MIER2: variants seen among roughly 807,000 people sequenced by gnomAD.
The protein encoded by MIER2 is mesoderm induction early response protein 2.
A neutral mutation model predicts 67.6 loss-of-function variants in MIER2; 30 were observed. The ratio of observed to expected loss-of-function variants is 0.44; its 90% CI spans 0.33 to 0.60. The LOEUF is 0.60. Among genes scored for constraint, MIER2 ranks in the 20% least tolerant of loss-of-function variants. The pLI is 0.02. For missense variants in MIER2, 702 were observed against 745.1 expected (o/e 0.94, Z 0.67); for synonymous variants, 372 against 312.6 (o/e 1.19, Z -2.00).
Position 312,216 on chromosome 19 carries a change from C to T in MIER2, c.864G>A (p.Leu288=). ...CTCGGATCACCTTCACGTTGAACCG[C>T]AGCCTTCGCAGGGCCTCCTCCACAT... The part of the protein sequence containing the change: ...NFNVEEALRR[L]RFNVKVIRDG... The change falls in exon 9 of 14, where the codon CTG becomes CTA. Residue 288 remains leucine (L), a synonymous_variant. Coordinates refer to ENST00000264819, the MANE Select transcript of MIER2 (RefSeq NM_017550.3). The T allele has an allele frequency of 6.2e-7, 1 of 1,613,970 alleles. No homozygotes were observed. Among genetic ancestry groups the T allele is most frequent in the Non-Finnish European group, 8.5e-7 (1 of 1,179,902 alleles).
intron 3 of MIER2, among the ~76,000 whole-genome samples, chr19:328,276 A>G (rs895378699): frequency 1.3e-5 from 2 of 152,182 alleles, no homozygotes; most frequent in African/African-American, 4.8e-5. Flanking sequence ...CAGGAATACA[A>G]GGATGGTGTG....
Position 308,989 on chromosome 19 carries a change from A to G in MIER2, c.985-64T>C, listed in dbSNP as rs1168248437. 1 of 1,560,808 alleles carries G rather than the reference A, an allele frequency of 6.4e-7. No homozygotes were observed. The highest frequency in any genetic ancestry group is 8.7e-7 in the Non-Finnish European group (1 of 1,148,660). The stretch of plus-strand genomic sequence containing the variant: ...GCCCAGCCCCAGCACCTGCACCACG[A>G]TCCCAGGACGTCCTGGGACCCCGGG... On this transcript the variant is annotated intron_variant, in intron 10 of 13. Coordinates refer to ENST00000264819, the MANE Select transcript of MIER2 (RefSeq NM_017550.3). This position sits in a 1 kb window ranked among gnomAD's most constrained non-coding sequence, Gnocchi z 9.1.
Position 313,558 on chromosome 19 carries a change from C to A in MIER2, c.741G>T (p.Lys247Asn), listed in dbSNP as rs1568219404. The change falls in exon 8 of 14, where the codon AAG becomes AAT. Residue 247 changes from lysine to asparagine, a missense_variant. Coordinates refer to ENST00000264819, the MANE Select transcript of MIER2 (RefSeq NM_017550.3). ...EVEEFLYRAV[K>N]RRWHEMAGPQ... ...GCCCGGCCATCTCGTGCCAACGCCG[C>A]TTCACCGCCCTGTACAGGAACTCCT... 6.2e-7 allele frequency: 1 copy of A among 1,613,394 alleles called. No individual in the cohort carries two copies. Among genetic ancestry groups the A allele is most frequent in the South Asian group, 1.1e-5 (1 of 91,088 alleles).
chr19:310,692 T>C (rs1042196198), intron 10 of MIER2, among the ~76,000 whole-genome samples: 1,125 of 82,424 alleles, frequency 0.014, no homozygotes, highest in East Asian at 0.031. Flanking sequence ...CCCAGAGCTA[T>C]AGAAACACGG....
Position 327,259 on chromosome 19 carries a change from TTA to T in MIER2, c.370-5_370-4del, listed in dbSNP as rs1568231171. On this transcript the variant is annotated splice_region_variant and splice_polypyrimidine_tract_variant and intron_variant, in intron 4 of 13. Coordinates refer to ENST00000264819, the MANE Select transcript of MIER2 (RefSeq NM_017550.3). ...AGCAAATCCTTCGCTATTTGTTCCTTTAAAAAAAAAAAAAAAAGTAAAGAACA... is the reference window on the plus strand; with the variant it reads ...AGCAAATCCTTCGCTATTTGTTCCTTAAAAAAAAAAAAAAAGTAAAGAACA... 2.6e-6 allele frequency: 4 copies of T among 1,561,100 alleles called. No homozygotes were observed. Among genetic ancestry groups the T allele is most frequent in the Admixed American group, 4.3e-5 (2 of 46,268 alleles).
At position 336,133 on chromosome 19, in the gene MIER2, C is replaced by A. The variant is rs140634056; in HGVS notation, c.50G>T (p.Cys17Phe). ...LGRQSPRVVS[C>F]LEHSLCPGEP... is the part of the protein sequence containing the mutation. The stretch of plus-strand genomic sequence containing the variant: ...CCCTGGGCACAGGCTGTGCTCGAGG[C>A]AGGAGACCACGCGAGGACTCTGCCT... The change falls in exon 2 of 14, where the codon TGC becomes TTC. Residue 17 changes from cysteine to phenylalanine, a missense_variant. This residue lies in a region of MIER2 where 320 missense variants were observed against 292.6 expected (regional missense o/e 1.09). Coordinates refer to ENST00000264819, the MANE Select transcript of MIER2 (RefSeq NM_017550.3). The A allele has an allele frequency of 6.2e-7, 1 of 1,613,746 alleles. No individual in the cohort carries two copies. The highest frequency in any genetic ancestry group is 1.3e-5 in the African/African-American group (1 of 74,936).
rs202200513 is a variant in MIER2 at position 313,445 on chromosome 19, G to A, written c.807+47C>T. On this transcript the variant is annotated intron_variant, in intron 8 of 13. Coordinates refer to ENST00000264819, the MANE Select transcript of MIER2 (RefSeq NM_017550.3). Reference sequence around the variant, plus strand: ...CACTGGGGTGTGAGCTCTGGCCCACGCCACGGCAGCCCTCAGCCCCTCTGT... The same window carrying A: ...CACTGGGGTGTGAGCTCTGGCCCACACCACGGCAGCCCTCAGCCCCTCTGT... 57 of 1,589,938 alleles carry A rather than the reference G, an allele frequency of 3.6e-5. No individual in the cohort carries two copies. In the Middle Eastern group the frequency reaches 5.4e-4, roughly 15 times the overall value.
chr19:336,798 A>G (rs1156241647), intron 1 of MIER2, among the ~76,000 whole-genome samples: 1 of 152,158 alleles, frequency 6.6e-6, no homozygotes, highest in Non-Finnish European at 1.5e-5. Context: ...TTTTTTATAA[A>G]AAGGCAAACA....
At chr19:319,097 C>T (rs1043876887) in intron 7 of MIER2, among the ~76,000 whole-genome samples, 2 of 150,106 alleles carry the variant, frequency 1.3e-5, no homozygotes, top group Non-Finnish European at 2.9e-5. Context: ...GGTGCTGGTT[C>T]ATGCCTGTAA....
chr19:336,161 C>CCAG lies in MIER2; in HGVS notation c.19_21dup (p.Leu7dup). ...GAGACCACGCGAGGACTCTGCCTCC[C>CCAG]CAGCGAGGAGGCCTGCGAAGGAAGA... is the stretch of plus-strand genomic sequence containing the variant. On this transcript the variant is annotated inframe_insertion, in exon 2 of 14. Coordinates refer to ENST00000264819, the MANE Select transcript of MIER2 (RefSeq NM_017550.3). 3 of 1,613,056 alleles carry CCAG rather than the reference C, an allele frequency of 1.9e-6. No homozygotes were observed. The highest frequency in any genetic ancestry group is 2.5e-6 in the Non-Finnish European group (3 of 1,179,396).
chr19:344,302 G>A (rs1972639106), intron 1 of MIER2: 1 of 984,932 alleles, frequency 1.0e-6, no homozygotes, highest in Middle Eastern at 5.2e-4. Context: ...AGGCGCGGTG[G>A]GTCCACCGGG....
At chr19:316,051 T>C (rs1214988260) in intron 7 of MIER2, among the ~76,000 whole-genome samples, 7 of 152,128 alleles carry the variant, frequency 4.6e-5, no homozygotes, top group African/African-American at 2.4e-5. Flanking sequence ...TTTTCAAGTG[T>C]TGAAAGAAAA....
At chr19:344,330 G>A (rs1972641157) in intron 1 of MIER2, 5 of 984,726 alleles carry the variant, frequency 5.1e-6, no homozygotes, top group Non-Finnish European at 6.0e-6. Flanking sequence ...TGGGGAGCGC[G>A]GGGCGCCTGG....
rs780091746 is a variant in MIER2, at chr19:308,624, G to A, written c.1151C>T (p.Pro384Leu). Residue 384 changes from proline (P) to leucine (L), a missense_variant, in exon 12 of 14, where the codon CCC becomes CTC. By Grantham distance (98) the Pro-to-Leu change is moderately conservative (BLOSUM62 -3). Transcript: ENST00000264819. This position sits in a 1 kb window ranked among gnomAD's most constrained non-coding sequence, Gnocchi z 9.1. ...GTCTTGCTCCGGGCGCGGACGGCCGGGGCCATCGGGGTCGCTGCCATCCAG... is the reference window on the plus strand; with the variant it reads ...GTCTTGCTCCGGGCGCGGACGGCCGAGGCCATCGGGGTCGCTGCCATCCAG... ...QDLDGSDPDG[P>L]GRPRPEQDTL... The A allele has an allele frequency of 2.5e-6, 4 of 1,606,986 alleles. No homozygotes were observed. The highest frequency in any genetic ancestry group is 1.7e-5 in the Admixed American group (1 of 59,166).
chr19:332,132 T>A (rs1212048170), intron 3 of MIER2, among the ~76,000 whole-genome samples: 3 of 152,178 alleles, frequency 2.0e-5, no homozygotes, highest in Non-Finnish European at 4.4e-5. Flanking sequence ...GTCACTGATT[T>A]ATTCAGCCTC....
chr19:337,772 G>A (rs970624270), intron 1 of MIER2, among the ~76,000 whole-genome samples: 5 of 151,318 alleles, frequency 3.3e-5, no homozygotes, highest in Non-Finnish European at 7.4e-5. Context: ...AGGAGGCTGA[G>A]GCAGGAGAAT....
chr19:319,385 C>T (rs958607112), intron 7 of MIER2, among the ~76,000 whole-genome samples: 3 of 152,176 alleles, frequency 2.0e-5, no homozygotes, highest in African/African-American at 7.2e-5. Context: ...AAGTAAAAAA[C>T]AGAAATCCAG....
chr19:316,884 G>A (rs912526194), intron 7 of MIER2, among the ~76,000 whole-genome samples: 20 of 151,926 alleles, frequency 1.3e-4, no homozygotes, highest in South Asian at 2.1e-4. Flanking sequence ...CAGGAGAATC[G>A]CTTGAGCCCA....
At position 308,710 on chromosome 19, in the gene MIER2, C is replaced by A. The variant is rs1262329983; in HGVS notation, c.1110-45G>T. ...TGAGGGGCGGCAGACAGGACAGACG[C>A]CCCCACCCAAGAGGTGCCGCCCAGG... On this transcript the variant is annotated intron_variant, in intron 11 of 13. Coordinates refer to ENST00000264819, the MANE Select transcript of MIER2 (RefSeq NM_017550.3). This position sits in a 1 kb window ranked among gnomAD's most constrained non-coding sequence, Gnocchi z 9.1. 1.3e-6 allele frequency: 2 copies of A among 1,595,394 alleles called. No homozygotes were observed. Among genetic ancestry groups the A allele is most frequent in the Non-Finnish European group, 1.7e-6 (2 of 1,170,610 alleles).
Sources: allele counts gnomAD v4.1 joint callset (sites outside exome capture counted in the v4.1 genomes callset), GRCh38; gene constraint gnomAD v4.1.1; regional missense constraint gnomAD v4.1.1; non-coding constraint Gnocchi (gnomAD v3.1); transcripts MANE v1.5; gene names NCBI Gene and HGNC (gene_info 2026-07-23, HGNC 2026-07-21).